KIF26B: variants seen among roughly 807,000 people sequenced by gnomAD.
KIF26B encodes the protein kinesin family member 26B.
KIF26B carries 63 observed loss-of-function variants against 151.2 expected under a neutral mutation model. That is an observed-to-expected ratio of 0.42 (90% CI 0.34 to 0.51). The LOEUF (loss-of-function observed/expected upper bound fraction) is 0.51, where lower values mean the gene tolerates loss of function less well. Ranked by LOEUF, KIF26B falls within the 20% of genes least tolerant of loss-of-function variation. KIF26B has a pLI of 0.07. For synonymous variants in KIF26B, 1,357 were observed against 1,262.1 expected, an observed-to-expected ratio of 1.08 and a Z score of -1.59; for missense variants, 2,813 against 2,913.6, an observed-to-expected ratio of 0.97 and a Z score of 0.79.
intron 2 of KIF26B, among the ~76,000 whole-genome samples, chr1:245,169,842 G>A (rs1206020355): frequency 6.6e-6 from 1 of 152,132 alleles, no homozygotes; most frequent in Non-Finnish European, 1.5e-5. Flanking sequence ...TGATGCAGAG[G>A]TTTAGGAGGC....
intron 2 of KIF26B, among the ~76,000 whole-genome samples, chr1:245,229,143 A>T (rs1014567379): frequency 3.3e-5 from 5 of 151,706 alleles, no homozygotes; most frequent in South Asian, 2.1e-4. Context: ...ATTTTTAAAA[A>T]TTTTTTTTAG....
At chr1:245,480,444 G>A (rs1263815158) in intron 4 of KIF26B, among the ~76,000 whole-genome samples, 4 of 151,756 alleles carry the variant, frequency 2.6e-5, no homozygotes, top group East Asian at 3.8e-4. Flanking sequence ...GCCAGCTTAG[G>A]GGTTCCATGA....
intron 2 of KIF26B, among the ~76,000 whole-genome samples, chr1:245,329,739 G>A (rs1328168934): frequency 3.3e-5 from 5 of 152,130 alleles, no homozygotes; most frequent in South Asian, 2.1e-4. Flanking sequence ...AGACGCTAAC[G>A]AAATCGTTGT....
intron 2 of KIF26B, among the ~76,000 whole-genome samples, chr1:245,357,465 TC>T (rs1258555185): frequency 6.6e-6 from 1 of 152,202 alleles, no homozygotes; most frequent in Non-Finnish European, 1.5e-5. Flanking sequence ...GAGTCAGACT[TC>T]GCGGAAGAGC....
intron 2 of KIF26B, among the ~76,000 whole-genome samples, chr1:245,193,003 A>G (rs1669135469): frequency 6.6e-6 from 1 of 152,230 alleles, no homozygotes; most frequent in Non-Finnish European, 1.5e-5. Context: ...TAGTAAGCAT[A>G]GTACCCAATA....
chr1:245,681,233 A>AGACG (rs1275618354), intron 10 of KIF26B, among the ~76,000 whole-genome samples: 1 of 146,422 alleles, frequency 6.8e-6, no homozygotes, highest in African/African-American at 2.5e-5. Context: ...TTTTTGAGAC[A>AGACG]GAGTCTCGCT....
At chr1:245,508,386 G>A (rs572927723) in intron 4 of KIF26B, among the ~76,000 whole-genome samples, 15 of 152,168 alleles carry the variant, frequency 9.9e-5, no homozygotes, top group South Asian at 2.1e-4. Context: ...GACTACTGGC[G>A]CCCGCCACCA....
chr1:245,195,465 C>T (rs1263314526), intron 2 of KIF26B, among the ~76,000 whole-genome samples: 2 of 152,298 alleles, frequency 1.3e-5, no homozygotes, highest in East Asian at 3.9e-4. Context: ...CTTTGAACTA[C>T]ACATTGCTTG....
In KIF26B at chr1:245,244,613, G is replaced by A. The variant is rs1402461933; in HGVS notation, c.465+87930G>A. Among the ~76,000 whole-genome samples the A allele has an allele frequency of 6.6e-6, 1 of 152,084 alleles. No homozygotes were observed. Among genetic ancestry groups the A allele is most frequent in the Non-Finnish European group, 1.5e-5 (1 of 68,018 alleles). ...CAGAGGAAGACTCATGAAATGGCAA[G>A]AGACCCTCCCCTCCCCTGACTTCCA... is the stretch of plus-strand genomic sequence containing the variant. On this transcript the variant is annotated intron_variant, in intron 2 of 14. Transcript: ENST00000407071. This position sits in a 1 kb window ranked among gnomAD's most constrained non-coding sequence, Gnocchi z 4.2.
chr1:245,343,445 C>G (rs892439826), intron 2 of KIF26B, among the ~76,000 whole-genome samples: 2 of 151,844 alleles, frequency 1.3e-5, no homozygotes, highest in Non-Finnish European at 2.9e-5. Context: ...TAATTATTAT[C>G]CTGTATACAC....
intron 10 of KIF26B, among the ~76,000 whole-genome samples, chr1:245,672,555 G>A (rs1414585945): frequency 1.3e-5 from 2 of 152,206 alleles, no homozygotes; most frequent in African/African-American, 4.8e-5. Context: ...CTGACATGCA[G>A]CCTGATGGAG....
At chr1:245,179,173 A>G (rs915071474) in intron 2 of KIF26B, among the ~76,000 whole-genome samples, 5 of 152,160 alleles carry the variant, frequency 3.3e-5, no homozygotes, top group African/African-American at 1.2e-4. Flanking sequence ...ACTCTAAAAT[A>G]TTTTTAAATA....
At position 245,488,094 on chromosome 1, in the gene KIF26B, C is replaced by CT. The variant is rs1660321348; in HGVS notation, c.1167-52668dup. Among the ~76,000 whole-genome samples, 1 of 152,058 alleles carries CT rather than the reference C, an allele frequency of 6.6e-6. No individual in the cohort carries two copies. Among genetic ancestry groups the CT allele is most frequent in the African/African-American group, 2.4e-5 (1 of 41,396 alleles). On this transcript the variant is annotated intron_variant, in intron 4 of 14. Coordinates refer to ENST00000407071, the MANE Select transcript of KIF26B (RefSeq NM_018012.4). This position sits in a 1 kb window ranked among gnomAD's most constrained non-coding sequence, Gnocchi z 4.6. ...TGAGCTGCCACGCCCGGCCATGTATCTTTTTAAGTACAGGTGGAGGTCTCA... is the reference window on the plus strand; with the variant it reads ...TGAGCTGCCACGCCCGGCCATGTATCTTTTTTAAGTACAGGTGGAGGTCTCA...
chr1:245,477,977 AAC>A (rs1346045884), intron 4 of KIF26B, among the ~76,000 whole-genome samples: 2 of 151,790 alleles, frequency 1.3e-5, no homozygotes, highest in Non-Finnish European at 2.9e-5. Context: ...TTATACCATA[AAC>A]ACACACCCAC....
intron 3 of KIF26B, among the ~76,000 whole-genome samples, chr1:245,397,473 C>T (rs189599963): frequency 3.9e-5 from 6 of 152,304 alleles, no homozygotes; most frequent in African/African-American, 1.4e-4. Context: ...TCCTCCGCCT[C>T]CCAAAGTGCT....
chr1:245,555,798 A>G (rs1662007835), intron 5 of KIF26B, among the ~76,000 whole-genome samples: 2 of 152,052 alleles, frequency 1.3e-5, no homozygotes, highest in Non-Finnish European at 2.9e-5. Context: ...CCTTCACCCA[A>G]TCCGTATTTA....
chr1:245,339,420 C>A (rs6684741), intron 2 of KIF26B, among the ~76,000 whole-genome samples: 111,069 of 152,102 alleles, frequency 0.73, 42,915 homozygotes, highest in Non-Finnish European at 0.86. Context: ...ACTTTGATAG[C>A]CTCCTTGCAC....
chr1:245,636,697 A>G (rs1175263330), intron 9 of KIF26B, among the ~76,000 whole-genome samples: 1 of 151,744 alleles, frequency 6.6e-6, no homozygotes, highest in Non-Finnish European at 1.5e-5. Context: ...TCTACTCTCT[A>G]TCTCCATGAG....
At chr1:245,264,919 G>C (rs927499535) in intron 2 of KIF26B, among the ~76,000 whole-genome samples, 46 of 150,368 alleles carry the variant, frequency 3.1e-4, no homozygotes, top group African/African-American at 1.1e-3. Context: ...AAGAGCCCTG[G>C]CCAGGCACGG....
Sources: gnomAD v4.1 joint callset for allele counts (sites outside exome capture counted in the v4.1 genomes callset) on GRCh38, gnomAD v4.1.1 for gene constraint, Gnocchi (gnomAD v3.1) non-coding constraint, MANE v1.5 for transcripts, NCBI Gene and HGNC (gene_info 2026-07-23, HGNC 2026-07-21) for gene names.